KAT6B: variants seen among roughly 807,000 people sequenced by gnomAD.
KAT6B encodes the protein histone acetyltransferase KAT6B.
A neutral mutation model predicts 187.5 loss-of-function variants in KAT6B; 10 were observed. The observed-to-expected ratio is 0.05, with a 90% CI of 0.03 to 0.09. The LOEUF (loss-of-function observed/expected upper bound fraction) is 0.09. Among genes scored for constraint, KAT6B ranks in the 10% least tolerant of loss-of-function variants. The pLI is 1.00. For missense variants in KAT6B, 1,952 were observed against 2,558.9 expected (o/e 0.76, Z 5.12); for synonymous variants, 861 against 926.8 (o/e 0.93, Z 1.29).
At chr10:74,825,365 C>T (rs1840108551), upstream of KAT6B, among the ~76,000 whole-genome samples, 2 of 151,176 alleles carry the variant, frequency 1.3e-5, no homozygotes, top group African/African-American at 4.8e-5. The surrounding 1 kb of genome is among the most constrained non-coding windows in gnomAD (Gnocchi z 5.0). Context: ...AGGCAGGTAC[C>T]CCCGGGGCGG....
chr10:74,951,196 C>G (rs1418083787), intron 3 of KAT6B, among the ~76,000 whole-genome samples: 1 of 151,210 alleles, frequency 6.6e-6, no homozygotes, highest in South Asian at 2.1e-4. Flanking sequence ...GTGGCATGAT[C>G]TTGGCTTGCT....
chr10:74,826,971 G>C (rs1009626739), intron 1 of KAT6B, among the ~76,000 whole-genome samples, 186 bp downstream of exon 1: 1 of 145,140 alleles, frequency 6.9e-6, no homozygotes, highest in African/African-American at 2.5e-5. Context: ...GGGGAGGAGG[G>C]ACAGGCCCCG....
rs1842357931 is a variant in KAT6B at position 74,979,251 on chromosome 10, G to C, written c.2143G>C (p.Asp715His). ...EKIECESGVEDCGRYPSVIEF... is the reference protein window; with the variant it reads ...EKIECESGVEHCGRYPSVIEF... ...AATAGAGTGTGAGAGTGGGGTGGAA[G>C]ACTGTGGCCGGTACCCTTCTGTGAT... The change falls in exon 10 of 18, where the codon GAC becomes CAC. Residue 715 changes from aspartate to histidine, a missense_variant. Transcript: ENST00000287239. 1.9e-6 allele frequency: 3 copies of C among 1,613,316 alleles called. No homozygotes were observed. The highest frequency in any genetic ancestry group is 2.2e-5 in the East Asian group (1 of 44,876).
chr10:74,831,597 TCTC>T (rs1840866853), intron 1 of KAT6B, among the ~76,000 whole-genome samples: 1 of 152,192 alleles, frequency 6.6e-6, no homozygotes, highest in Non-Finnish European at 1.5e-5. Flanking sequence ...GGTGCTGACT[TCTC>T]CTGTCTCTTA....
chr10:75,002,544 TAGAC>T (rs1477045621), intron 13 of KAT6B, among the ~76,000 whole-genome samples: 5 of 152,154 alleles, frequency 3.3e-5, no homozygotes, highest in African/African-American at 4.8e-5. Context: ...TGTATGTACT[TAGAC>T]AGACCTAAGT....
chr10:74,837,446 T>A (rs765795985), intron 1 of KAT6B, among the ~76,000 whole-genome samples: 1 of 151,980 alleles, frequency 6.6e-6, no homozygotes, highest in East Asian at 1.9e-4. Context: ...AGAAAAAAAA[T>A]GAAAAGAGAA....
At chr10:74,911,644 C>T (rs1847210384) in intron 3 of KAT6B, among the ~76,000 whole-genome samples, 1 of 151,760 alleles carries the variant, frequency 6.6e-6, no homozygotes, top group Non-Finnish European at 1.5e-5. Flanking sequence ...TGATGCCTCC[C>T]CTGTCTTTCT....
In KAT6B at chr10:74,878,619, C is replaced by CAAA. The variant is rs11365400; in HGVS notation, c.621+35159_621+35161dup. ...TGGGTGACAGAGCAAGACTCCATCT[C>CAAA]AAAAAAAAAAAAAAAAAAAAGACAT... On this transcript the variant is annotated intron_variant, in intron 3 of 17. Transcript: ENST00000287239. 2.1e-3 allele frequency among the ~76,000 whole-genome samples: 154 copies of CAAA among 71,974 alleles called. 2 individuals are homozygous for CAAA. Among genetic ancestry groups the CAAA allele is most frequent in the African/African-American group, 3.7e-3 (87 of 23,368 alleles). 47.2% of individuals were successfully genotyped at this position (71,974 alleles called of 152,430 possible).
rs145636342 is a variant in KAT6B, at chr10:75,029,584, C to A, written c.4760C>A (p.Thr1587Lys). 1.9e-6 allele frequency: 3 copies of A among 1,614,180 alleles called. No individual in the cohort carries two copies. Among genetic ancestry groups the A allele is most frequent in the Non-Finnish European group, 2.5e-6 (3 of 1,180,036 alleles). Residue 1587 changes from threonine (T) to lysine (K), a missense_variant, in exon 18 of 18, where the codon ACG (threonine) becomes AAG (lysine). Physicochemically the swap from Thr to Lys is moderately conservative, Grantham distance 78. Coordinates refer to ENST00000287239, the MANE Select transcript of KAT6B (RefSeq NM_012330.4). This position sits in a 1 kb window ranked among gnomAD's most constrained non-coding sequence, Gnocchi z 6.2. The stretch of plus-strand genomic sequence containing the variant: ...GACCAAAGTCCACAGATTGCCACCA[C>A]GCTCGACGATTGCCAACAGTCGGAC... ...RADQSPQIAT[T>K]LDDCQQSDHS...
At position 74,911,792 on chromosome 10, in the gene KAT6B, G is replaced by A. The variant is rs140558387; in HGVS notation, c.622-48178G>A. ...TTGTGTTTATAACATGGGGGAAAAT[G>A]TACTGTTTCATTTTTAAATTTATTT... On this transcript the variant is annotated intron_variant, in intron 3 of 17. Coordinates refer to ENST00000287239, the MANE Select transcript of KAT6B (RefSeq NM_012330.4). Among the ~76,000 whole-genome samples the A allele has an allele frequency of 5.4e-3, 814 of 152,048 alleles. 35 individuals are homozygous for A. The highest frequency in any genetic ancestry group is 0.046 in the Admixed American group (698 of 15,262).
intron 3 of KAT6B, among the ~76,000 whole-genome samples, chr10:74,857,792 G>T (rs1278932972): frequency 6.6e-6 from 1 of 152,214 alleles, no homozygotes; most frequent in African/African-American, 2.4e-5. Context: ...GGCCAAGGCA[G>T]GTGGATCACT....
At chr10:74,830,514 G>T (rs1421120961) in intron 1 of KAT6B, among the ~76,000 whole-genome samples, 1 of 151,584 alleles carries the variant, frequency 6.6e-6, no homozygotes, top group Non-Finnish European at 1.5e-5. Context: ...GTTAGATGAT[G>T]AATTGTATGG....
chr10:75,014,554 T>C (rs956683552), intron 13 of KAT6B, among the ~76,000 whole-genome samples: 1 of 152,144 alleles, frequency 6.6e-6, no homozygotes, highest in Non-Finnish European at 1.5e-5. Flanking sequence ...GTAAAATTAA[T>C]AGATAGAGCC....
At chr10:74,912,545 T>C (rs142522716) in intron 3 of KAT6B, among the ~76,000 whole-genome samples, 1 of 152,324 alleles carries the variant, frequency 6.6e-6, no homozygotes, top group African/African-American at 2.4e-5. Flanking sequence ...CTCTTGTATT[T>C]AGCTCTCTGT....
At chr10:74,910,149 T>A (rs1049821243) in intron 3 of KAT6B, among the ~76,000 whole-genome samples, 2 of 137,898 alleles carry the variant, frequency 1.5e-5, no homozygotes, top group African/African-American at 6.4e-5. Flanking sequence ...AAAAAAAATA[T>A]TAGCCAGGCG....
chr10:74,871,868 C>T (rs181318405), intron 3 of KAT6B, among the ~76,000 whole-genome samples: 204 of 152,228 alleles, frequency 1.3e-3, no homozygotes, highest in African/African-American at 4.2e-3. Context: ...GACTGGCTCC[C>T]ATGTGTGGTG....
intron 3 of KAT6B, among the ~76,000 whole-genome samples, chr10:74,876,827 C>T (rs962215839): frequency 1.3e-5 from 2 of 151,774 alleles, no homozygotes; most frequent in Non-Finnish European, 2.9e-5. Context: ...GCAGGAGAAT[C>T]GCTTGAACCT....
At position 74,842,573 on chromosome 10, in the gene KAT6B, G is replaced by T. The variant is rs1051245505; in HGVS notation, c.-258-27G>T. The T allele has an allele frequency of 8.6e-6, 5 of 583,634 alleles. No homozygotes were observed. In the Admixed American group the frequency reaches 1.3e-4, roughly 15 times the overall value. 36.2% of individuals were successfully genotyped at this position (583,634 alleles called of 1,614,324 possible). A position where few individuals can be genotyped will look rare whatever the true frequency, so the allele number is the denominator to read the frequency against. ...ATTTGTGTAAGCTTCATTATTAAGAGACTTTCCCCTCTTTTTATCCTTTAA... is the reference window on the plus strand; with the variant it reads ...ATTTGTGTAAGCTTCATTATTAAGATACTTTCCCCTCTTTTTATCCTTTAA... On this transcript the variant is annotated intron_variant, in intron 2 of 17. Transcript: ENST00000287239.
chr10:74,939,557 C>G (rs909520389), intron 3 of KAT6B, among the ~76,000 whole-genome samples: 1 of 151,986 alleles, frequency 6.6e-6, no homozygotes, highest in Non-Finnish European at 1.5e-5. Context: ...TGCGCCACCA[C>G]GACCGGCTAA....
Sources: gnomAD v4.1 joint callset for allele counts (sites outside exome capture counted in the v4.1 genomes callset) on GRCh38, gnomAD v4.1.1 for gene constraint, Gnocchi (gnomAD v3.1) non-coding constraint, MANE v1.5 for transcripts, NCBI Gene and HGNC (gene_info 2026-07-23, HGNC 2026-07-21) for gene names.